Variants in ARID1B observed in about 807,000 individuals in gnomAD.
The protein encoded by ARID1B is AT-rich interaction domain 1B, also known as AT-rich interactive domain-containing protein 1B.
In ARID1B, 30 loss-of-function variants were observed where a neutral mutation model predicts 212.3. That is an observed-to-expected ratio of 0.14 (90% confidence interval 0.11 to 0.19). The LOEUF is 0.19. Among genes scored for constraint, ARID1B ranks in the 10% least tolerant of loss-of-function variants. The probability of loss-of-function intolerance (pLI) is 1.00; values close to 1 mark genes in which losing one functional copy is unlikely to be tolerated. For synonymous variants in ARID1B, 1,402 were observed against 1,301.7 expected, an observed-to-expected ratio of 1.08 and a Z score of -1.66; for missense variants, 2,891 against 3,204.0, an observed-to-expected ratio of 0.90 and a Z score of 2.36.
At chr6:156,869,900 A>C (rs1002936003) in intron 2 of ARID1B, among the ~76,000 whole-genome samples, 1 of 151,262 alleles carries the variant, frequency 6.6e-6, no homozygotes, top group African/African-American at 2.4e-5. Context: ...TTAAAATATC[A>C]TTTCCAATAA....
chr6:157,067,671 T>C (rs1376420707), intron 4 of ARID1B, among the ~76,000 whole-genome samples: 1 of 152,238 alleles, frequency 6.6e-6, no homozygotes, highest in African/African-American at 2.4e-5. Flanking sequence ...TTCCTTGCAT[T>C]TTTCCGCATG....
At chr6:157,005,377 A>C (rs1476950850) in intron 4 of ARID1B, among the ~76,000 whole-genome samples, 1 of 152,074 alleles carries the variant, frequency 6.6e-6, no homozygotes, top group East Asian at 1.9e-4. Context: ...GCTGTTCTCG[A>C]ACTCCTGACC....
At chr6:156,822,438 T>C (rs1463778018) in intron 1 of ARID1B, among the ~76,000 whole-genome samples, 1 of 152,206 alleles carries the variant, frequency 6.6e-6, no homozygotes, top group Non-Finnish European at 1.5e-5. Flanking sequence ...GAGACTTGAC[T>C]CTGGTCTGAG....
intron 7 of ARID1B, among the ~76,000 whole-genome samples, chr6:157,136,015 G>A (rs1344217017): frequency 6.6e-6 from 1 of 152,092 alleles, no homozygotes; most frequent in Non-Finnish European, 1.5e-5. Flanking sequence ...TATTTTATAT[G>A]AGAAGCTTTT....
chr6:157,056,782 A>C (rs187635092), intron 4 of ARID1B, among the ~76,000 whole-genome samples: 1 of 152,124 alleles, frequency 6.6e-6, no homozygotes, highest in Non-Finnish European at 1.5e-5. Context: ...ATATAAGGAG[A>C]AACTTAGGCA....
At chr6:156,961,324 G>A (rs1794358705) in intron 4 of ARID1B, among the ~76,000 whole-genome samples, 1 of 152,232 alleles carries the variant, frequency 6.6e-6, no homozygotes, top group Non-Finnish European at 1.5e-5. Flanking sequence ...TGAAAATATG[G>A]TGTTATTCCA....
At chr6:156,799,217 G>A (rs1285396184) in intron 1 of ARID1B, among the ~76,000 whole-genome samples, 1 of 139,386 alleles carries the variant, frequency 7.2e-6, no homozygotes, top group East Asian at 2.0e-4. Flanking sequence ...ATTTCTAGGT[G>A]CCAAGCACTG....
chr6:156,885,566 C>A (rs1045131760), intron 2 of ARID1B, among the ~76,000 whole-genome samples: 7 of 152,066 alleles, frequency 4.6e-5, no homozygotes, highest in African/African-American at 1.7e-4. Flanking sequence ...TTTTTTCTGA[C>A]CAATCTTTTG....
At chr6:156,900,300 A>G (rs1788813518) in intron 2 of ARID1B, among the ~76,000 whole-genome samples, 2 of 152,116 alleles carry the variant, frequency 1.3e-5, no homozygotes, top group Admixed American at 1.3e-4. Context: ...CTTTTACCCC[A>G]TTGTATATGT....
At chr6:157,074,094 A>G (rs1227915604) in intron 4 of ARID1B, among the ~76,000 whole-genome samples, 3 of 152,254 alleles carry the variant, frequency 2.0e-5, no homozygotes, top group African/African-American at 7.2e-5. Flanking sequence ...ATACCATACA[A>G]ATATCAAAAA....
Position 156,778,848 on chromosome 6 carries a change from G to A in ARID1B, c.1168G>A (p.Gly390Ser). ...HYPGYSRPGAGGGGGGGGGGG... is the reference protein window; with the variant it reads ...HYPGYSRPGASGGGGGGGGGG... Reference sequence around the variant, plus strand: ...TCCGGGCTACAGCCGGCCCGGCGCGGGCGGCGGCGGCGGCGGCGGCGGCGG... The same window carrying A: ...TCCGGGCTACAGCCGGCCCGGCGCGAGCGGCGGCGGCGGCGGCGGCGGCGG... The change falls in exon 1 of 20, where the codon GGC (glycine) becomes AGC (serine). Residue 390 changes from glycine (G) to serine (S), a missense_variant. Coordinates refer to ENST00000636930, the MANE Select transcript of ARID1B (RefSeq NM_001374828.1). 7.4e-7 allele frequency: 1 copy of A among 1,343,982 alleles called. No homozygotes were observed. Among genetic ancestry groups the A allele is most frequent in the Non-Finnish European group, 9.6e-7 (1 of 1,043,490 alleles). The allele number at this position is 1,343,982 out of a possible 1,614,324, so 83.3% of individuals were successfully genotyped here.
At chr6:157,149,696 A>G (rs910060261) in intron 8 of ARID1B, 1 of 152,252 alleles carries the variant, frequency 6.6e-6, no homozygotes, top group South Asian at 2.1e-4. Context: ...TTTTAAAAGC[A>G]CATGTAAATA....
chr6:157,206,278 C>T lies in ARID1B; in HGVS notation c.5506C>T (p.His1836Tyr). 5.6e-6 allele frequency: 9 copies of T among 1,614,128 alleles called. No homozygotes were observed. The highest frequency in any genetic ancestry group is 7.6e-6 in the Non-Finnish European group (9 of 1,180,032). Residue 1836 changes from histidine to tyrosine, a missense_variant, in exon 20 of 20, where the codon CAC becomes TAC. His to Tyr is a moderately conservative substitution (Grantham distance 83, BLOSUM62 2). This residue lies in a region of ARID1B where 332 missense variants were observed against 369.2 expected (regional missense o/e 0.90). Coordinates refer to ENST00000636930, the MANE Select transcript of ARID1B (RefSeq NM_001374828.1). The surrounding 1 kb of genome is among the most constrained non-coding windows in gnomAD (Gnocchi z 6.8). ...AGACCCCAGCCAAAAAGCACTTGAT[C>T]ACAACGCAGCAAGGAAGGATGACAG... ...VGDPSQKALD[H>Y]NAARKDDSQS...
At chr6:157,074,273 G>A (rs542091431) in intron 4 of ARID1B, among the ~76,000 whole-genome samples, 1 of 152,254 alleles carries the variant, frequency 6.6e-6, no homozygotes, top group African/African-American at 2.4e-5. Context: ...CACCCAGGCT[G>A]GAACTAAGTG....
chr6:156,930,790 G>A (rs1232394432), intron 3 of ARID1B, among the ~76,000 whole-genome samples: 5 of 152,284 alleles, frequency 3.3e-5, no homozygotes, highest in South Asian at 4.1e-4. Flanking sequence ...GCTGAACAAC[G>A]TGCTGTTTAC....
chr6:157,036,073 C>T (rs1781309735), intron 4 of ARID1B, among the ~76,000 whole-genome samples: 1 of 152,192 alleles, frequency 6.6e-6, no homozygotes, highest in South Asian at 2.1e-4. Context: ...TTTAAAAATA[C>T]TCAGATGTGT....
chr6:156,984,928 A>G (rs1376926897), intron 4 of ARID1B: 1 of 152,332 alleles, frequency 6.6e-6, no homozygotes, highest in African/African-American at 2.4e-5. Context: ...TCCTGGACTC[A>G]AGCAATCCAC....
chr6:156,945,702 A>G (rs1231523142), intron 4 of ARID1B, among the ~76,000 whole-genome samples: 1 of 152,168 alleles, frequency 6.6e-6, no homozygotes, highest in Non-Finnish European at 1.5e-5. Flanking sequence ...ATTGGACACT[A>G]TTTTTGAAAG....
At position 157,163,395 on chromosome 6, in the gene ARID1B, C is replaced by T. The variant is rs974210410; in HGVS notation, c.3090-3645C>T. 4.6e-5 allele frequency among the ~76,000 whole-genome samples: 7 copies of T among 152,184 alleles called. No individual in the cohort carries two copies. In the South Asian group the frequency reaches 6.2e-4, roughly 14 times the overall value. On this transcript the variant is annotated intron_variant, in intron 8 of 19. Coordinates refer to ENST00000636930, the MANE Select transcript of ARID1B (RefSeq NM_001374828.1). ...CCATCTTAGGAGTCCATCCACAGCCCGCTGTCTCCACTAACCAAAATCAGT... is the reference window on the plus strand; with the variant it reads ...CCATCTTAGGAGTCCATCCACAGCCTGCTGTCTCCACTAACCAAAATCAGT...
Sources: gnomAD v4.1 joint callset for allele counts (sites outside exome capture counted in the v4.1 genomes callset) on GRCh38, gnomAD v4.1.1 for gene constraint, gnomAD v4.1.1 regional missense constraint, Gnocchi (gnomAD v3.1) non-coding constraint, MANE v1.5 for transcripts, NCBI Gene and HGNC (gene_info 2026-07-23, HGNC 2026-07-21) for gene names.